Variants in RPS6KA1 observed in about 807,000 individuals in gnomAD.
RPS6KA1 encodes the protein ribosomal protein S6 kinase A1.
RPS6KA1 carries 48 observed loss-of-function variants against 91.3 expected under a neutral mutation model. The observed-to-expected ratio is 0.53, with a 90% CI of 0.42 to 0.67. RPS6KA1 has a LOEUF of 0.67. RPS6KA1 is among the 30% of genes least tolerant of loss of function. The pLI is 0.00. For synonymous variants in RPS6KA1, 359 were observed against 384.7 expected (o/e 0.93, Z 0.78); for missense variants, 719 against 960.5 (o/e 0.75, Z 3.32).
intron 19 of RPS6KA1, 63 bp from the exon 20 acceptor site, chr1:26,572,113 C>T (rs952925169): frequency 2.6e-5 from 37 of 1,441,958 alleles, no homozygotes; most frequent in South Asian, 9.2e-5. Context: ...AGTCTCCCAC[C>T]GCAGCCCCAG....
At chr1:26,536,854 G>GC (rs1170114990) in intron 1 of RPS6KA1, 71 bp from the exon 2 acceptor site, 1 of 1,556,868 alleles carries the variant, frequency 6.4e-7, no homozygotes, top group African/African-American at 1.4e-5. Flanking sequence ...GGGTGGGGGT[G>GC]CCCCACAGAG....
intron 17 of RPS6KA1, among the ~76,000 whole-genome samples, chr1:26,562,305 G>A (rs903640780): frequency 6.6e-6 from 1 of 152,322 alleles, no homozygotes; most frequent in South Asian, 2.1e-4. Context: ...TAAGAAGACC[G>A]GAGCTCAGAG....
At chr1:26,544,034 AGTTT>A (rs1297639440) in intron 2 of RPS6KA1, 1 of 455,180 alleles carries the variant, frequency 2.2e-6, no homozygotes, top group East Asian at 7.0e-5. Context: ...GAGTGGTGGG[AGTTT>A]GCAGATTGTC....
Position 26,571,333 on chromosome 1 carries a change from G to A in RPS6KA1, c.1591-116G>A. 1.1e-6 allele frequency: 1 copy of A among 934,136 alleles called. No homozygotes were observed. Among genetic ancestry groups the A allele is most frequent in the East Asian group, 2.5e-5 (1 of 39,474 alleles). 57.9% of individuals were successfully genotyped at this position (934,136 alleles called of 1,614,324 possible). The stretch of plus-strand genomic sequence containing the variant: ...CCCTTCCCCTTCTCTCGGATGCCAA[G>A]TCCATGCACCCGTCCCTCTGCACCC... On this transcript the variant is annotated intron_variant, in intron 17 of 21. Transcript: ENST00000374168. The surrounding 1 kb of genome is among the most constrained non-coding windows in gnomAD (Gnocchi z 5.1).
In RPS6KA1 at chr1:26,558,811, C is replaced by T. The variant is rs143984856; in HGVS notation, c.1089C>T (p.Ser363=). ...TEFTSRTPKD[S]PGIPPSAGAH... ...ATTCTCCTTCCATCCGTACAGATTC[C>T]CCAGGCATCCCCCCCAGCGCTGGGG... The change falls in exon 14 of 22, where the codon TCC becomes TCT. Residue 363 remains serine (S), a synonymous_variant. Transcript: ENST00000374168. This position sits in a 1 kb window ranked among gnomAD's most constrained non-coding sequence, Gnocchi z 4.0. 1.6e-4 allele frequency: 264 copies of T among 1,607,976 alleles called. 1 individual carries two copies. The African/African-American group carries it at 3.0e-3, about 19-fold the overall frequency.
At chr1:26,559,599 C>T (rs1314344163) in intron 14 of RPS6KA1, among the ~76,000 whole-genome samples, 1 of 145,790 alleles carries the variant, frequency 6.9e-6, no homozygotes, top group East Asian at 2.0e-4. Context: ...AGGCTGGTGT[C>T]AAACTCCTGA....
chr1:26,555,760 C>A lies in RPS6KA1; in HGVS notation c.916+135C>A. 1 of 843,328 alleles carries A rather than the reference C, an allele frequency of 1.2e-6. No homozygotes were observed. The highest frequency in any genetic ancestry group is 1.9e-6 in the Non-Finnish European group (1 of 517,824). The allele number at this position is 843,328 out of a possible 1,614,324, so 52.2% of individuals were successfully genotyped here. A position where few individuals can be genotyped will look rare whatever the true frequency, so the allele number is the denominator to read the frequency against. On this transcript the variant is annotated intron_variant, in intron 11 of 21. Coordinates refer to ENST00000374168, the MANE Select transcript of RPS6KA1 (RefSeq NM_002953.4). This position sits in a 1 kb window ranked among gnomAD's most constrained non-coding sequence, Gnocchi z 4.3. ...TGGGCAGACAATGCCGCGGGCCACC[C>A]TGCTTTCTGGCTCCATGTGTGGTGT... is the stretch of plus-strand genomic sequence containing the variant.
chr1:26,564,035 A>G (rs1415255811), intron 17 of RPS6KA1, among the ~76,000 whole-genome samples: 2 of 152,184 alleles, frequency 1.3e-5, no homozygotes, highest in Non-Finnish European at 2.9e-5. Context: ...AGGCACAAGA[A>G]TCACTTGAAC....
At chr1:26,564,618 C>T (rs1385129347) in intron 17 of RPS6KA1, among the ~76,000 whole-genome samples, 2 of 152,134 alleles carry the variant, frequency 1.3e-5, no homozygotes, top group Non-Finnish European at 2.9e-5. Flanking sequence ...TATAAAGATC[C>T]TCATCTAATG....
At chr1:26,537,700 A>G (rs955747904) in intron 2 of RPS6KA1, among the ~76,000 whole-genome samples, 1 of 152,208 alleles carries the variant, frequency 6.6e-6, no homozygotes, top group African/African-American at 2.4e-5. Context: ...GATGCTGGCT[A>G]TGGAGGGTCT....
Position 26,574,480 on chromosome 1 carries a change from T to A in RPS6KA1, c.*279T>A. 1.7e-6 allele frequency: 1 copy of A among 591,538 alleles called. No individual in the cohort carries two copies. The allele number at this position is 591,538 out of a possible 1,614,324, so 36.6% of individuals were successfully genotyped here. A position where few individuals can be genotyped will look rare whatever the true frequency, so the allele number is the denominator to read the frequency against. On this transcript the variant is annotated 3_prime_UTR_variant, in exon 22 of 22. Transcript: ENST00000374168. This position sits in a 1 kb window ranked among gnomAD's most constrained non-coding sequence, Gnocchi z 4.3. Reference sequence around the variant, plus strand: ...TCAACCACCATGGATTTTTACAAGATCCATTTGCCTTTCTGGGAGCAGAAA... The same window carrying A: ...TCAACCACCATGGATTTTTACAAGAACCATTTGCCTTTCTGGGAGCAGAAA...
Position 26,573,247 on chromosome 1 carries a change from C to T in RPS6KA1, c.1971C>T (p.His657=), listed in dbSNP as rs80024567. The change falls in exon 21 of 22, where the codon CAC becomes CAT. Residue 657 remains histidine (H), a synonymous_variant. Coordinates refer to ENST00000374168, the MANE Select transcript of RPS6KA1 (RefSeq NM_002953.4). ...TAKDLVSKML[H]VDPHQRLTAK... ...AGGACCTGGTGTCCAAGATGCTACA[C>T]GTGGATCCCCACCAGCGCCTCACAG... 1.5e-3 allele frequency: 2,476 copies of T among 1,614,110 alleles called. 40 individuals are homozygous for T. The African/African-American group carries it at 0.027, about 17-fold the overall frequency.
Position 26,547,488 on chromosome 1 carries a change from G to C in RPS6KA1, c.307+218G>C, listed in dbSNP as rs2076005912. The C allele has an allele frequency of 1.8e-6, 1 of 544,650 alleles. No homozygotes were observed. Among genetic ancestry groups the C allele is most frequent in the African/African-American group, 1.9e-5 (1 of 52,554 alleles). 33.7% of individuals were successfully genotyped at this position (544,650 alleles called of 1,614,324 possible). A position where few individuals can be genotyped will look rare whatever the true frequency, so the allele number is the denominator to read the frequency against. ...ACTGGCTGTGAAGGTCTGGAAGGTG[G>C]TAATAGGGTAAATGCAATGTGTTTG... On this transcript the variant is annotated intron_variant, in intron 4 of 21. Coordinates refer to ENST00000374168, the MANE Select transcript of RPS6KA1 (RefSeq NM_002953.4). This position sits in a 1 kb window ranked among gnomAD's most constrained non-coding sequence, Gnocchi z 4.1.
chr1:26,553,716 C>T (rs780807681), intron 7 of RPS6KA1: 10 of 319,198 alleles, frequency 3.1e-5, no homozygotes, highest in Non-Finnish European at 4.6e-5. Context: ...TAATGTTGCC[C>T]GTCTTTTTTT....
At chr1:26,567,021 C>CT (rs1553134124) in intron 17 of RPS6KA1, among the ~76,000 whole-genome samples, 17,132 of 76,748 alleles carry the variant, frequency 0.22, 1,249 homozygotes, top group Non-Finnish European at 0.26. Context: ...TACATATTAA[C>CT]TTTTTTTTTT....
Position 26,561,167 on chromosome 1 carries a change from C to T in RPS6KA1, c.1431+33C>T, listed in dbSNP as rs746217351. On this transcript the variant is annotated intron_variant, in intron 16 of 21. Transcript: ENST00000374168. This position sits in a 1 kb window ranked among gnomAD's most constrained non-coding sequence, Gnocchi z 5.7. ...GGGGTCCTTAAGACTGGGGTGGGGA[C>T]CAGGAACTCAACTCTCAGGATTTGT... is the stretch of plus-strand genomic sequence containing the variant. The T allele has an allele frequency of 6.4e-7, 1 of 1,554,326 alleles. No homozygotes were observed. The highest frequency in any genetic ancestry group is 2.2e-5 in the East Asian group (1 of 44,460).
intron 17 of RPS6KA1, among the ~76,000 whole-genome samples, chr1:26,567,925 A>T (rs1570461798): frequency 6.6e-6 from 1 of 152,184 alleles, no homozygotes. Flanking sequence ...GTGAGTGGAT[A>T]GTAAAGCCAG....
chr1:26,538,712 T>A (rs1361338549), intron 2 of RPS6KA1, among the ~76,000 whole-genome samples: 1 of 152,160 alleles, frequency 6.6e-6, no homozygotes, highest in African/African-American at 2.4e-5. Context: ...AGACAAGTCT[T>A]GTTTGGCTTC....
chr1:26,559,160 T>A (rs1050632398), intron 14 of RPS6KA1, among the ~76,000 whole-genome samples: 1 of 152,168 alleles, frequency 6.6e-6, no homozygotes, highest in Non-Finnish European at 1.5e-5. Flanking sequence ...AGGGTCTGGG[T>A]ACATGTCAGG....
Sources: allele counts gnomAD v4.1 joint callset (sites outside exome capture counted in the v4.1 genomes callset), GRCh38; gene constraint gnomAD v4.1.1; non-coding constraint Gnocchi (gnomAD v3.1); transcripts MANE v1.5; gene names NCBI Gene and HGNC (gene_info 2026-07-23, HGNC 2026-07-21).